RBFOX3: variants seen among roughly 807,000 people sequenced by gnomAD.
RBFOX3 encodes the protein RNA binding protein fox-1 homolog 3.
RBFOX3 carries 17 observed loss-of-function variants against 48.7 expected under a neutral mutation model. That is an observed-to-expected ratio of 0.35 (90% CI 0.24 to 0.52). RBFOX3 has a LOEUF of 0.52. Ranked by LOEUF, RBFOX3 falls within the 20% of genes least tolerant of loss-of-function variation. The pLI is 0.94. For missense variants in RBFOX3, 382 were observed against 497.5 expected (o/e 0.77, Z 2.21); for synonymous variants, 212 against 209.5 (o/e 1.01, Z -0.10).
chr17:79,497,074 C>T (rs2081640231), intron 1 of RBFOX3, among the ~76,000 whole-genome samples: 1 of 152,166 alleles, frequency 6.6e-6, no homozygotes, highest in Non-Finnish European at 1.5e-5. Flanking sequence ...ATCATGAGAG[C>T]CCTCCTAAGG....
At chr17:79,280,666 T>C (rs1224575385) in intron 3 of RBFOX3, among the ~76,000 whole-genome samples, 1 of 152,250 alleles carries the variant, frequency 6.6e-6, no homozygotes, top group African/African-American at 2.4e-5. Flanking sequence ...CATTATGTTT[T>C]GGTCACAGTC....
chr17:79,471,920 GAAAA>G lies in RBFOX3; in HGVS notation c.-175+10530_-175+10533del, dbSNP rs2077117251. Among the ~76,000 whole-genome samples the G allele has an allele frequency of 6.6e-6, 1 of 152,210 alleles. No individual in the cohort carries two copies. The highest frequency in any genetic ancestry group is 2.1e-4 in the South Asian group (1 of 4,828). On this transcript the variant is annotated intron_variant, in intron 2 of 14. Coordinates refer to ENST00000693108, the MANE Select transcript of RBFOX3 (RefSeq NM_001350451.2). This position sits in a 1 kb window ranked among gnomAD's most constrained non-coding sequence, Gnocchi z 4.0. ...GCACATTATATCAAATACGCCTCAGGAAAACCCTTTATGGAAACCTACTATGTGC... is the reference window on the plus strand; with the variant it reads ...GCACATTATATCAAATACGCCTCAGGCCCTTTATGGAAACCTACTATGTGC...
chr17:79,429,168 G>A (rs1241610437), intron 2 of RBFOX3, among the ~76,000 whole-genome samples: 3 of 152,260 alleles, frequency 2.0e-5, no homozygotes, highest in Admixed American at 2.0e-4. Flanking sequence ...CGGCCGTGGA[G>A]CATGCTCCTT....
chr17:79,531,973 G>A (rs1304318290), intron 1 of RBFOX3, among the ~76,000 whole-genome samples: 1 of 152,222 alleles, frequency 6.6e-6, no homozygotes, highest in African/African-American at 2.4e-5. Context: ...AGCTGCTGCA[G>A]GGGAGGGTCC....
rs1435268606 is a variant in RBFOX3, at chr17:79,497,799, C to T, written c.-319-15201G>A. On this transcript the variant is annotated intron_variant, in intron 1 of 14. Coordinates refer to ENST00000693108, the MANE Select transcript of RBFOX3 (RefSeq NM_001350451.2). Reference sequence around the variant, plus strand: ...ACGGCCAAAGCTGCTCCCCTCCCCTCTGGAGCCAATGGCCACCCCAGCAGG... The same window carrying T: ...ACGGCCAAAGCTGCTCCCCTCCCCTTTGGAGCCAATGGCCACCCCAGCAGG... 2.6e-5 allele frequency among the ~76,000 whole-genome samples: 4 copies of T among 152,376 alleles called. No homozygotes were observed. The East Asian group carries it at 7.7e-4, about 29-fold the overall frequency.
Position 79,440,257 on chromosome 17 carries a change from T to C in RBFOX3, c.-175+42197A>G, listed in dbSNP as rs563154483. On this transcript the variant is annotated intron_variant, in intron 2 of 14. Coordinates refer to ENST00000693108, the MANE Select transcript of RBFOX3 (RefSeq NM_001350451.2). ...CGTCTGAGCTGCAGAGACAGCGCTG[T>C]CCTGCGGACGGGCCGTGCTTTTCCA... Among the ~76,000 whole-genome samples the C allele has an allele frequency of 1.8e-4, 28 of 152,348 alleles. No individual in the cohort carries two copies. The South Asian group carries it at 5.4e-3, about 29-fold the overall frequency.
chr17:79,425,879 A>G (rs1221366732), intron 2 of RBFOX3, among the ~76,000 whole-genome samples: 2 of 152,142 alleles, frequency 1.3e-5, no homozygotes, highest in African/African-American at 4.8e-5. Flanking sequence ...ACCCCCTTCC[A>G]GGGATCTTGC....
In RBFOX3 at chr17:79,199,767, G is replaced by A. The variant is rs149016597; in HGVS notation, c.-34+35999C>T. Among the ~76,000 whole-genome samples, 371 of 152,238 alleles carry A rather than the reference G, an allele frequency of 2.4e-3. 2 individuals are homozygous for A. The highest frequency in any genetic ancestry group is 3.8e-3 in the Non-Finnish European group (260 of 68,032). On this transcript the variant is annotated intron_variant, in intron 4 of 14. Coordinates refer to ENST00000693108, the MANE Select transcript of RBFOX3 (RefSeq NM_001350451.2). This position sits in a 1 kb window ranked among gnomAD's most constrained non-coding sequence, Gnocchi z 5.1. ...TGCTGCTGTAGGATTTCTGAAGCAC[G>A]CTGAACAAACCCACCCTGATGCTCC...
intron 2 of RBFOX3, among the ~76,000 whole-genome samples, chr17:79,348,712 C>T (rs2083338760): frequency 6.6e-6 from 1 of 150,494 alleles, no homozygotes; most frequent in Admixed American, 6.7e-5. Context: ...TCTCAAGTAG[C>T]TGGGCTTACA....
chr17:79,358,650 G>A (rs1472357932), intron 2 of RBFOX3, among the ~76,000 whole-genome samples: 3 of 151,610 alleles, frequency 2.0e-5, no homozygotes, highest in African/African-American at 7.3e-5. Flanking sequence ...TAGTAGAGAA[G>A]GGGTTTCACC....
chr17:79,272,642 C>T (rs1011774642), intron 3 of RBFOX3, among the ~76,000 whole-genome samples: 4 of 152,164 alleles, frequency 2.6e-5, no homozygotes, highest in Non-Finnish European at 5.9e-5. Context: ...TCCAACTGCC[C>T]CCTTTGGGGA....
chr17:79,654,655 AC>A, the RBFOX3 span, among the ~76,000 whole-genome samples: 1 of 152,210 alleles, frequency 6.6e-6, no homozygotes, highest in Non-Finnish European at 1.5e-5. Flanking sequence ...TGATTTCCAA[AC>A]AAAAAGAACT....
chr17:79,529,662 T>A (rs1599053042), intron 1 of RBFOX3, among the ~76,000 whole-genome samples: 1 of 152,262 alleles, frequency 6.6e-6, no homozygotes, highest in South Asian at 2.1e-4. Flanking sequence ...GAGGGAGAAC[T>A]GGTACCACTA....
intron 2 of RBFOX3, among the ~76,000 whole-genome samples, chr17:79,420,991 AG>A (rs1421438892): frequency 6.6e-6 from 1 of 152,070 alleles, no homozygotes; most frequent in Non-Finnish European, 1.5e-5. Context: ...ATGGAGGCCC[AG>A]GGGCTTCCCT....
chr17:79,224,097 A>G (rs1250391391), intron 4 of RBFOX3, among the ~76,000 whole-genome samples: 1 of 152,116 alleles, frequency 6.6e-6, no homozygotes, highest in East Asian at 1.9e-4. Flanking sequence ...TTTCCCAAAC[A>G]GTAACATATG....
At chr17:79,308,983 G>A (rs920445047) in intron 2 of RBFOX3, among the ~76,000 whole-genome samples, 1 of 152,018 alleles carries the variant, frequency 6.6e-6, no homozygotes, top group Non-Finnish European at 1.5e-5. Flanking sequence ...GCTGAGTGTG[G>A]TGAGTCCTAG....
rs144270209 is a variant in RBFOX3 at position 79,229,917 on chromosome 17, G to A, written c.-34+5849C>T. 4.6e-3 allele frequency among the ~76,000 whole-genome samples: 698 copies of A among 152,318 alleles called. 4 individuals are homozygous for A. Among genetic ancestry groups the A allele is most frequent in the African/African-American group, 0.016 (662 of 41,572 alleles). ...AACAGGCCTGTTGTACGGATGACAT[G>A]GGACGGCAGGTTTCACTTGTGATGA... On this transcript the variant is annotated intron_variant, in intron 4 of 14. Transcript: ENST00000693108.
chr17:79,096,753 G>A lies in RBFOX3; in HGVS notation c.836C>T (p.Pro279Leu), dbSNP rs1223017521. ...TGGAGAGGTGGGGTAGGCCGGCTCCGGTGTCTGCTGAGGAGGGAGGGGGCA... is the reference window on the plus strand; with the variant it reads ...TGGAGAGGTGGGGTAGGCCGGCTCCAGTGTCTGCTGAGGAGGGAGGGGGCA... ...APCPLPPQQT[P>L]EPAYPTSPAF... The change falls in exon 12 of 15, where the codon CCG (proline) becomes CTG (leucine). Residue 279 changes from proline to leucine, a missense_variant. Coordinates refer to ENST00000693108, the MANE Select transcript of RBFOX3 (RefSeq NM_001350451.2). 2.7e-6 allele frequency: 4 copies of A among 1,484,752 alleles called. No individual in the cohort carries two copies. The highest frequency in any genetic ancestry group is 2.5e-5 in the East Asian group (1 of 40,580). The allele number at this position is 1,484,752 out of a possible 1,614,324, so 92.0% of individuals were successfully genotyped here.
At chr17:79,626,399 C>A in the RBFOX3 span, among the ~76,000 whole-genome samples, 1 of 152,220 alleles carries the variant, frequency 6.6e-6, no homozygotes, top group Non-Finnish European at 1.5e-5. Context: ...CCTGTCTCAG[C>A]GGGCCACGCC....
Sources: gnomAD v4.1 joint callset for allele counts (sites outside exome capture counted in the v4.1 genomes callset) on GRCh38, gnomAD v4.1.1 for gene constraint, Gnocchi (gnomAD v3.1) non-coding constraint, MANE v1.5 for transcripts, NCBI Gene and HGNC (gene_info 2026-07-23, HGNC 2026-07-21) for gene names.